CACNA2D1: variants seen among roughly 807,000 people sequenced by gnomAD.
CACNA2D1 encodes the protein voltage-dependent calcium channel subunit alpha-2/delta-1.
In CACNA2D1, 53 loss-of-function variants were observed where a neutral mutation model predicts 171.5. The ratio of observed to expected loss-of-function variants is 0.31; its 90% confidence interval spans 0.25 to 0.39. CACNA2D1 has a LOEUF of 0.39. CACNA2D1 is among the 10% of genes least tolerant of loss of function. The probability of loss-of-function intolerance (pLI) is 1.00; values close to 1 mark genes in which losing one functional copy is unlikely to be tolerated. For synonymous variants in CACNA2D1, 442 were observed against 443.1 expected (o/e 1.00, Z 0.03); for missense variants, 903 against 1,299.8 (o/e 0.69, Z 4.69).
chr7:82,156,995 A>G (rs1258172515), intron 4 of CACNA2D1, among the ~76,000 whole-genome samples: 2 of 152,132 alleles, frequency 1.3e-5, no homozygotes, highest in South Asian at 2.1e-4. Flanking sequence ...TGAATCTTAC[A>G]TCTTCTAAAG....
In CACNA2D1 at chr7:81,982,623, C is replaced by T. The variant is rs763839433; in HGVS notation, c.1899G>A (p.Ser633=). 2.0e-5 allele frequency: 32 copies of T among 1,586,964 alleles called. No homozygotes were observed. Among genetic ancestry groups the T allele is most frequent in the Admixed American group, 2.0e-4 (12 of 59,900 alleles). The change falls in exon 24 of 39, where the codon TCG becomes TCA. Residue 633 remains serine, a synonymous_variant. Transcript: ENST00000356860. ...CAAAATTATCTGGCTTCAGGGTTTC[C>T]GAATCTGCAAAGATAATGTTACAGG... The part of the protein sequence containing the change: ...ARSKKGKMKD[S]ETLKPDNFEE...
At chr7:81,961,358 A>G (rs2130232206) in intron 36 of CACNA2D1, among the ~76,000 whole-genome samples, 1 of 152,028 alleles carries the variant, frequency 6.6e-6, no homozygotes, top group African/African-American at 2.4e-5. Flanking sequence ...AAAAAACTGT[A>G]TTTTTCCCAG....
intron 10 of CACNA2D1, 93 bp downstream of exon 10, chr7:82,060,335 G>C (rs1806702915): frequency 3.7e-6 from 3 of 801,962 alleles, no homozygotes; most frequent in Non-Finnish European, 6.3e-6. Flanking sequence ...AAATGTCTCA[G>C]CCTCTATAAG....
At position 82,130,596 on chromosome 7, in the gene CACNA2D1, T is replaced by TATTAGGAAATCCTGGAAATGATC. The variant is rs1790841858; in HGVS notation, c.396+6038_396+6039insGATCATTTCCAGGATTTCCTAAT. ...AGTGAAAGGAAATGATTGATATGAG[T>TATTAGGAAATCCTGGAAATGATC]ACTAGGAAATCCTGGAAATGATCAC... On this transcript the variant is annotated intron_variant, in intron 5 of 38. Transcript: ENST00000356860. Among the ~76,000 whole-genome samples, 3 of 151,914 alleles carry TATTAGGAAATCCTGGAAATGATC rather than the reference T, an allele frequency of 2.0e-5. No individual in the cohort carries two copies. The South Asian group carries it at 6.2e-4, about 32-fold the overall frequency.
At chr7:81,995,121 A>G (rs1227414727) in intron 19 of CACNA2D1, among the ~76,000 whole-genome samples, 182 bp from the exon 20 acceptor site, 2 of 152,172 alleles carry the variant, frequency 1.3e-5, no homozygotes, top group Non-Finnish European at 2.9e-5. Flanking sequence ...TTACCATATT[A>G]TAGTCATTTT....
chr7:82,205,568 TA>T (rs796837041), intron 3 of CACNA2D1, among the ~76,000 whole-genome samples: 5 of 152,044 alleles, frequency 3.3e-5, no homozygotes, highest in African/African-American at 1.2e-4. Flanking sequence ...AAAATTAGAA[TA>T]CACACACACA....
At chr7:82,425,764 G>T (rs1255918733) in intron 1 of CACNA2D1, among the ~76,000 whole-genome samples, 7 of 150,538 alleles carry the variant, frequency 4.6e-5, no homozygotes, top group African/African-American at 1.5e-4. Flanking sequence ...CCAAATTGCT[G>T]GGATTACAAG....
At chr7:82,403,540 C>T (rs1826682492) in intron 1 of CACNA2D1, among the ~76,000 whole-genome samples, 1 of 152,166 alleles carries the variant, frequency 6.6e-6, no homozygotes, top group Non-Finnish European at 1.5e-5. Flanking sequence ...AATCATGTAG[C>T]AATCCCCAAT....
chr7:82,176,456 G>T (rs1796548770), intron 3 of CACNA2D1, among the ~76,000 whole-genome samples: 1 of 151,932 alleles, frequency 6.6e-6, no homozygotes, highest in South Asian at 2.1e-4. Flanking sequence ...CAGAGAAATT[G>T]CTCTGTATGT....
chr7:82,008,965 A>C (rs1349687476), intron 15 of CACNA2D1, among the ~76,000 whole-genome samples: 1 of 152,096 alleles, frequency 6.6e-6, no homozygotes, highest in Non-Finnish European at 1.5e-5. Context: ...GGAAACAACC[A>C]TACATATTTG....
intron 1 of CACNA2D1, among the ~76,000 whole-genome samples, chr7:82,426,370 G>A (rs947596247): frequency 3.3e-5 from 5 of 151,786 alleles, no homozygotes; most frequent in Non-Finnish European, 7.4e-5. Context: ...CACAATAAAC[G>A]GCCGCACATA....
intron 25 of CACNA2D1, 79 bp from the exon 26 acceptor site, chr7:81,971,943 A>T: frequency 1.1e-6 from 1 of 917,658 alleles, no homozygotes; most frequent in Non-Finnish European, 1.8e-6. Context: ...TTCTATTTCC[A>T]AAAGCAATTT....
chr7:82,132,321 G>T (rs1431384227), intron 5 of CACNA2D1, among the ~76,000 whole-genome samples: 1 of 152,188 alleles, frequency 6.6e-6, no homozygotes, highest in African/African-American at 2.4e-5. Flanking sequence ...TGCAGAAACT[G>T]CTAATTAATG....
At chr7:82,136,220 T>C (rs1791581304) in intron 5 of CACNA2D1, among the ~76,000 whole-genome samples, 2 of 152,302 alleles carry the variant, frequency 1.3e-5, no homozygotes, top group Non-Finnish European at 1.5e-5. Context: ...GTCATTCATA[T>C]TGTAGTTGAA....
At chr7:81,987,018 G>T (rs1797042475) in intron 21 of CACNA2D1, among the ~76,000 whole-genome samples, 1 of 152,116 alleles carries the variant, frequency 6.6e-6, no homozygotes, top group Non-Finnish European at 1.5e-5. Flanking sequence ...AGTGTCACTG[G>T]ATAAGCTTGG....
At chr7:82,205,229 C>A (rs1799893777) in intron 3 of CACNA2D1, among the ~76,000 whole-genome samples, 1 of 152,006 alleles carries the variant, frequency 6.6e-6, no homozygotes, top group African/African-American at 2.4e-5. Context: ...TGACATGCCC[C>A]AAAATTTATA....
rs114327181 is a variant in CACNA2D1 at position 82,149,103 on chromosome 7, G to A, written c.355-12427C>T. Among the ~76,000 whole-genome samples, 473 of 152,282 alleles carry A rather than the reference G, an allele frequency of 3.1e-3. 5 individuals carry two copies. The highest frequency in any genetic ancestry group is 0.011 in the African/African-American group (444 of 41,546). On this transcript the variant is annotated intron_variant, in intron 4 of 38. Coordinates refer to ENST00000356860, the MANE Select transcript of CACNA2D1 (RefSeq NM_000722.4). ...TGCCTCAGTCTGTGTACTCAGCACA[G>A]CATAGTGTGATCACCTGCCTGAGCC...
intron 3 of CACNA2D1, among the ~76,000 whole-genome samples, chr7:82,266,135 A>G (rs918208741): frequency 6.6e-6 from 1 of 152,180 alleles, no homozygotes; most frequent in East Asian, 1.9e-4. Flanking sequence ...CCACAAAAGC[A>G]TTTTTATTCA....
In CACNA2D1 at chr7:82,216,475, G is replaced by A. The variant is rs191775600; in HGVS notation, c.295-45866C>T. ...CTCACCACACAAAGCAAATCTTTCT[G>A]GACAGAGTAATGACAATAGAATATG... On this transcript the variant is annotated intron_variant, in intron 3 of 38. Transcript: ENST00000356860. 1.4e-4 allele frequency among the ~76,000 whole-genome samples: 21 copies of A among 152,096 alleles called. No individual in the cohort carries two copies. The East Asian group carries it at 4.1e-3, about 29-fold the overall frequency.
Sources: allele counts gnomAD v4.1 joint callset (sites outside exome capture counted in the v4.1 genomes callset), GRCh38; gene constraint gnomAD v4.1.1; transcripts MANE v1.5; gene names NCBI Gene and HGNC (gene_info 2026-07-23, HGNC 2026-07-21).